Variants in PARP8 observed in about 807,000 individuals in gnomAD.
PARP8 encodes the protein protein mono-ADP-ribosyltransferase PARP8.
Under a neutral mutation model 124.1 loss-of-function variants are expected in PARP8, and 51 were observed. The observed-to-expected ratio is 0.41, with a 90% CI of 0.33 to 0.52. The LOEUF (loss-of-function observed/expected upper bound fraction) is 0.52. Ranked by LOEUF, PARP8 falls within the 20% of genes least tolerant of loss-of-function variation. The pLI is 0.21. For missense variants in PARP8, 860 were observed against 1,018.9 expected (o/e 0.84, Z 2.12); for synonymous variants, 391 against 361.5 (o/e 1.08, Z -0.93).
chr5:50,831,496 C>T (rs1746981966), intron 22 of PARP8, among the ~76,000 whole-genome samples: 1 of 151,958 alleles, frequency 6.6e-6, no homozygotes, highest in South Asian at 2.1e-4. Context: ...GCCAAAATAA[C>T]ACAAAGAAAA....
chr5:50,832,243 C>T (rs1277892827), intron 22 of PARP8, among the ~76,000 whole-genome samples: 3 of 152,042 alleles, frequency 2.0e-5, no homozygotes, highest in African/African-American at 7.2e-5. Flanking sequence ...TATTTTAGTT[C>T]TGCTTTTCTA....
chr5:50,772,475 A>G (rs1761723294), intron 7 of PARP8, among the ~76,000 whole-genome samples: 1 of 152,196 alleles, frequency 6.6e-6, no homozygotes, highest in African/African-American at 2.4e-5. Context: ...CCAGCAGTGC[A>G]AAAGGATTCC....
chr5:50,751,463 G>T (rs1759255326), intron 3 of PARP8, among the ~76,000 whole-genome samples: 1 of 152,088 alleles, frequency 6.6e-6, no homozygotes, highest in Admixed American at 6.6e-5. Context: ...GTGAAAGTAG[G>T]TTGTTATGCT....
chr5:50,719,374 T>C (rs1320005245), intron 2 of PARP8, among the ~76,000 whole-genome samples: 2 of 152,094 alleles, frequency 1.3e-5, no homozygotes, highest in African/African-American at 4.8e-5. Context: ...CCTATGCTTT[T>C]GATGTCTTAC....
intron 2 of PARP8, among the ~76,000 whole-genome samples, chr5:50,727,523 T>C (rs1223707120): frequency 6.6e-6 from 1 of 152,210 alleles, no homozygotes; most frequent in African/African-American, 2.4e-5. Context: ...CTTCTGTTAA[T>C]GTACATGGCT....
intron 3 of PARP8, among the ~76,000 whole-genome samples, chr5:50,759,230 T>A (rs1760291931): frequency 6.6e-6 from 1 of 151,278 alleles, no homozygotes; most frequent in African/African-American, 2.4e-5. Flanking sequence ...ACTAATAAAT[T>A]TTTTTTTTAT....
intron 7 of PARP8, among the ~76,000 whole-genome samples, chr5:50,765,932 A>C (rs925836060): frequency 6.6e-5 from 10 of 152,238 alleles, no homozygotes; most frequent in Admixed American, 6.5e-4. Flanking sequence ...GAACTTAATG[A>C]AGTTTGAAGA....
At chr5:50,787,618 G>A (rs1741409606) in intron 9 of PARP8, among the ~76,000 whole-genome samples, 1 of 152,016 alleles carries the variant, frequency 6.6e-6, no homozygotes, top group Non-Finnish European at 1.5e-5. Flanking sequence ...CTTCATGGGT[G>A]CAGGGATATT....
At chr5:50,782,181 G>C (rs1438450312) in intron 9 of PARP8, among the ~76,000 whole-genome samples, 1 of 152,164 alleles carries the variant, frequency 6.6e-6, no homozygotes, top group East Asian at 1.9e-4. Context: ...ATAGAATGGA[G>C]ACTTTTGCAT....
chr5:50,773,038 G>A (rs915749883), intron 7 of PARP8, among the ~76,000 whole-genome samples: 1 of 152,056 alleles, frequency 6.6e-6, no homozygotes, highest in Non-Finnish European at 1.5e-5. Context: ...TTGTTTGTTT[G>A]TTTGTCTTTG....
intron 15 of PARP8, among the ~76,000 whole-genome samples, chr5:50,818,418 C>T (rs1417005145): frequency 1.3e-5 from 2 of 152,078 alleles, no homozygotes; most frequent in African/African-American, 2.4e-5. Flanking sequence ...TTTGTGGAGA[C>T]AGGATTTGGC....
chr5:50,811,340 C>T (rs1422912733), intron 14 of PARP8, among the ~76,000 whole-genome samples: 1 of 151,338 alleles, frequency 6.6e-6, no homozygotes, highest in Non-Finnish European at 1.5e-5. Context: ...TTATAATAAG[C>T]ACTGAAATTT....
At chr5:50,723,383 C>T (rs945972008) in intron 2 of PARP8, among the ~76,000 whole-genome samples, 1 of 151,964 alleles carries the variant, frequency 6.6e-6, no homozygotes, top group African/African-American at 2.4e-5. Context: ...TAAACAGTTG[C>T]CTTCTCAAGA....
intron 2 of PARP8, among the ~76,000 whole-genome samples, chr5:50,739,850 A>G (rs1757863925): frequency 1.3e-5 from 2 of 149,116 alleles, no homozygotes; most frequent in Non-Finnish European, 3.0e-5. Context: ...CCGAGGTTCA[A>G]GCAATTCTCT....
At chr5:50,705,471 G>A (rs1423891504) in intron 2 of PARP8, among the ~76,000 whole-genome samples, 2 of 152,042 alleles carry the variant, frequency 1.3e-5, no homozygotes, top group Non-Finnish European at 2.9e-5. Flanking sequence ...AACCGGAGAG[G>A]AGCTAAAACT....
chr5:50,696,498 C>T (rs1445102717), intron 2 of PARP8, among the ~76,000 whole-genome samples: 1 of 152,148 alleles, frequency 6.6e-6, no homozygotes, highest in African/African-American at 2.4e-5. Flanking sequence ...ATTATATTAT[C>T]TAAATACGAA....
intron 8 of PARP8, 31 bp downstream of exon 8, chr5:50,778,160 T>A: frequency 7.0e-7 from 1 of 1,432,898 alleles, no homozygotes; most frequent in Non-Finnish European, 9.7e-7. Flanking sequence ...ATATGAATGG[T>A]GCATTTAAAA....
intron 2 of PARP8, among the ~76,000 whole-genome samples, chr5:50,683,130 A>C (rs1244427566): frequency 2.0e-5 from 3 of 152,186 alleles, no homozygotes; most frequent in Non-Finnish European, 4.4e-5. Context: ...TGGTTAATGC[A>C]GCAGGGGCTC....
intron 2 of PARP8, among the ~76,000 whole-genome samples, chr5:50,716,647 G>A (rs1208281778): frequency 6.6e-6 from 1 of 151,942 alleles, no homozygotes; most frequent in Non-Finnish European, 1.5e-5. Context: ...TCTGGTCTTT[G>A]GGCTTAGTGC....
Sources: gnomAD v4.1 joint callset for allele counts (sites outside exome capture counted in the v4.1 genomes callset) on GRCh38, gnomAD v4.1.1 for gene constraint, MANE v1.5 for transcripts, NCBI Gene and HGNC (gene_info 2026-07-23, HGNC 2026-07-21) for gene names.